Variants in LARP4 observed in about 807,000 individuals in gnomAD.
LARP4 encodes la-related protein 4.
LARP4 carries 29 observed loss-of-function variants against 92.9 expected under a neutral mutation model. That is an observed-to-expected ratio of 0.31 (90% CI 0.23 to 0.43). The LOEUF is 0.43. Ranked by LOEUF, LARP4 falls within the 20% of genes least tolerant of loss-of-function variation. The pLI is 1.00. For synonymous variants in LARP4, 279 were observed against 284.1 expected (o/e 0.98, Z 0.18); for missense variants, 732 against 860.0 (o/e 0.85, Z 1.86).
chr12:50,414,577 A>G (rs1179086504), intron 1 of LARP4, among the ~76,000 whole-genome samples: 1 of 152,230 alleles, frequency 6.6e-6, no homozygotes, highest in Non-Finnish European at 1.5e-5. Context: ...TGCTGGGATT[A>G]CAGACATGCA....
intron 12 of LARP4, among the ~76,000 whole-genome samples, chr12:50,465,104 T>G (rs1248409656): frequency 1.3e-5 from 2 of 151,214 alleles, no homozygotes; most frequent in Admixed American, 6.6e-5. Context: ...AGGCGTGGTG[T>G]CTCACGCCTG....
At chr12:50,415,937 G>A (rs1042651010) in intron 1 of LARP4, 1 of 151,716 alleles carries the variant, frequency 6.6e-6, no homozygotes, top group South Asian at 2.1e-4. Flanking sequence ...GAACTCCTAA[G>A]CTCAAGTGAT....
intron 1 of LARP4, among the ~76,000 whole-genome samples, chr12:50,413,880 T>G: frequency 6.6e-6 from 1 of 152,230 alleles, no homozygotes; most frequent in East Asian, 1.9e-4. Context: ...AATCTGGTTT[T>G]AAGGATCTGG....
At chr12:50,426,687 GTGTGTGTGTGTGTGTGTGTGT>G (rs1948779056) in intron 1 of LARP4, among the ~76,000 whole-genome samples, 4 of 81,032 alleles carry the variant, frequency 4.9e-5, no homozygotes, top group African/African-American at 1.8e-4. Flanking sequence ...TGTTTGGGGT[GTGTGTGTGTGTGTGTGTGTGT>G]GTGTGTGTGT....
chr12:50,444,810 G>T (rs1951753379), intron 8 of LARP4, among the ~76,000 whole-genome samples: 1 of 152,156 alleles, frequency 6.6e-6, no homozygotes, highest in South Asian at 2.1e-4. Context: ...GAAAATAACT[G>T]GTATCAGTTC....
At chr12:50,465,261 A>C (rs991733756) in intron 12 of LARP4, among the ~76,000 whole-genome samples, 2 of 151,194 alleles carry the variant, frequency 1.3e-5, no homozygotes, top group African/African-American at 4.9e-5. Flanking sequence ...AGTCCCAGCT[A>C]CTCAGGAGGC....
At chr12:50,409,848 G>T (rs1402516205) in intron 1 of LARP4, among the ~76,000 whole-genome samples, 1 of 151,386 alleles carries the variant, frequency 6.6e-6, no homozygotes, top group Non-Finnish European at 1.5e-5. Flanking sequence ...GCCCAGGCTG[G>T]AGCGATCTTG....
intron 1 of LARP4, among the ~76,000 whole-genome samples, chr12:50,426,711 GTGTGTGTGTGTGTGTGTGTGGT>G (rs1565986750): frequency 1.4e-3 from 196 of 139,690 alleles, no homozygotes; most frequent in African/African-American, 5.1e-3. Context: ...GTGTGTGTGT[GTGTGTGTGTGTGTGTGTGTGGT>G]TTTTTTTTTT....
At chr12:50,434,308 T>C (rs556300922) in intron 4 of LARP4, among the ~76,000 whole-genome samples, 1 of 152,292 alleles carries the variant, frequency 6.6e-6, no homozygotes, top group South Asian at 2.1e-4. Flanking sequence ...CTAAGTTTAT[T>C]AAACAAGATT....
chr12:50,459,628 A>G (rs1450733306), intron 10 of LARP4, among the ~76,000 whole-genome samples: 2 of 152,062 alleles, frequency 1.3e-5, no homozygotes, highest in African/African-American at 2.4e-5. Context: ...GATCGAGACC[A>G]TCGTGGCCAA....
chr12:50,435,864 C>T (rs1328955199), intron 5 of LARP4, among the ~76,000 whole-genome samples: 3 of 151,822 alleles, frequency 2.0e-5, no homozygotes, highest in Non-Finnish European at 4.4e-5. Flanking sequence ...CAGCCCCAAA[C>T]TCCTGGGCTC....
At position 50,453,563 on chromosome 12, in the gene LARP4, C is replaced by T. The variant is rs765125087; in HGVS notation, c.908C>T (p.Ser303Phe). The change falls in exon 9 of 16, where the codon TCC (serine) becomes TTC (phenylalanine). Residue 303 changes from serine (S) to phenylalanine (F), a missense_variant. Physicochemically the swap from Ser to Phe is radical, Grantham distance 155. This residue lies in a region of LARP4 where 264 missense variants were observed against 269.5 expected (regional missense o/e 0.98). Coordinates refer to ENST00000398473, the MANE Select transcript of LARP4 (RefSeq NM_052879.5). ...HPIQTQAQYASPVFMQPVYNP... is the reference protein window; with the variant it reads ...HPIQTQAQYAFPVFMQPVYNP... The stretch of plus-strand genomic sequence containing the variant: ...ATTCAAACTCAAGCACAGTATGCCT[C>T]CCCAGTCTTTATGCAGCCTGTATAT... 15 of 1,612,242 alleles carry T rather than the reference C, an allele frequency of 9.3e-6. No individual in the cohort carries two copies. Among genetic ancestry groups the T allele is most frequent in the South Asian group, 1.1e-5 (1 of 91,052 alleles).
At chr12:50,473,931 T>A in intron 14 of LARP4, 68 bp from the exon 15 acceptor site, 2 of 1,381,280 alleles carry the variant, frequency 1.4e-6, no homozygotes, top group Non-Finnish European at 2.0e-6. Flanking sequence ...TTACGTTTTC[T>A]TCTGATTAGT....
At chr12:50,453,155 T>TC (rs1017969018) in intron 8 of LARP4, among the ~76,000 whole-genome samples, 1 of 151,210 alleles carries the variant, frequency 6.6e-6, no homozygotes, top group Admixed American at 6.6e-5. Flanking sequence ...GCTCATGCGA[T>TC]CCTACCCCCT....
chr12:50,454,523 T>A, intron 10 of LARP4, 106 bp downstream of exon 10: 1 of 849,740 alleles, frequency 1.2e-6, no homozygotes, highest in Non-Finnish European at 1.8e-6. Flanking sequence ...GTTTGGTGGA[T>A]TTTTTGTTTG....
rs1352685958 is a variant in LARP4, at chr12:50,477,703, C to G, written c.*1839C>G. On this transcript the variant is annotated 3_prime_UTR_variant, in exon 16 of 16. Coordinates refer to ENST00000398473, the MANE Select transcript of LARP4 (RefSeq NM_052879.5). The stretch of plus-strand genomic sequence containing the variant: ...TTTGATTGTTTTATGACATGGTATA[C>G]TACTATATTTACTCAGTTTGAAACT... 6.6e-6 allele frequency: 1 copy of G among 152,440 alleles called. No individual in the cohort carries two copies. Among genetic ancestry groups the G allele is most frequent in the East Asian group, 1.9e-4 (1 of 5,192 alleles). The allele number at this position is 152,440 out of a possible 1,614,324, so 9.4% of individuals were successfully genotyped here.
intron 1 of LARP4, among the ~76,000 whole-genome samples, chr12:50,418,210 A>G (rs1947174241): frequency 6.6e-6 from 1 of 151,996 alleles, no homozygotes; most frequent in South Asian, 2.1e-4. Flanking sequence ...CATATTGGCC[A>G]GGCTGATCTT....
intron 4 of LARP4, 142 bp from the exon 5 acceptor site, chr12:50,435,346 A>C: frequency 1.6e-6 from 1 of 606,396 alleles, no homozygotes; most frequent in Non-Finnish European, 2.9e-6. Flanking sequence ...AACTTTTTAG[A>C]GTTCACTGAA....
chr12:50,454,513 G>A, intron 10 of LARP4, 96 bp downstream of exon 10: 1 of 906,122 alleles, frequency 1.1e-6, no homozygotes, highest in South Asian at 1.7e-5. Flanking sequence ...CAGTAATAAG[G>A]TTTGGTGGAT....
Sources: gnomAD v4.1 joint callset for allele counts (sites outside exome capture counted in the v4.1 genomes callset) on GRCh38, gnomAD v4.1.1 for gene constraint, gnomAD v4.1.1 regional missense constraint, MANE v1.5 for transcripts, NCBI Gene and HGNC (gene_info 2026-07-23, HGNC 2026-07-21) for gene names.